The following NRXN2 variants were observed in gnomAD, a reference collection of about 807,000 sequenced individuals.
NRXN2 encodes neurexin-2-beta.
In NRXN2, 29 loss-of-function variants were observed where a neutral mutation model predicts 128.8. The observed-to-expected ratio is 0.23, with a 90% confidence interval of 0.17 to 0.31. The LOEUF is 0.31. Ranked by LOEUF, NRXN2 falls within the 10% of genes least tolerant of loss-of-function variation. NRXN2 has a pLI of 1.00. For missense variants in NRXN2, 1,881 were observed against 2,452.6 expected (o/e 0.77, Z 4.92); for synonymous variants, 1,098 against 1,075.2 (o/e 1.02, Z -0.41).
chr11:64,607,631 T>A lies in NRXN2; in HGVS notation c.4704A>T (p.Arg1568=). 6.5e-7 allele frequency: 1 copy of A among 1,531,188 alleles called. No homozygotes were observed. Among genetic ancestry groups the A allele is most frequent in the Non-Finnish European group, 8.8e-7 (1 of 1,140,482 alleles). The allele number at this position is 1,531,188 out of a possible 1,614,324, so 94.9% of individuals were successfully genotyped here. A position where few individuals can be genotyped will look rare whatever the true frequency, so the allele number is the denominator to read the frequency against. ...TCTCCAGCAAGGGCTGAAGCGGGTC[T>A]CGGTGGTTCATTTTGCCCGCCGGCA... ...PNLPAGKMNH[R]DPLQPLLENP... The change falls in exon 23 of 23, where the codon CGA becomes CGT. Residue 1568 remains arginine, a synonymous_variant. Transcript: ENST00000265459.
rs1303734997 is a variant in NRXN2 at position 64,723,024 on chromosome 11, C to T, written c.-298G>A. ...GGTGGGTAGCAGAGCTACAGGGCCG[C>T]CCCGTCTCCGACGGGTGGCAGAGCC... On this transcript the variant is annotated 5_prime_UTR_variant, in exon 1 of 23. Transcript: ENST00000265459. 6.6e-6 allele frequency: 1 copy of T among 150,498 alleles called. No individual in the cohort carries two copies. Among genetic ancestry groups the T allele is most frequent in the Non-Finnish European group, 1.5e-5 (1 of 67,326 alleles). The allele number at this position is 150,498 out of a possible 1,614,324, so 9.3% of individuals were successfully genotyped here.
At chr11:64,646,711 A>G (rs930060227) in intron 17 of NRXN2, 4 of 152,268 alleles carry the variant, frequency 2.6e-5, no homozygotes, top group African/African-American at 9.6e-5. Context: ...GAGTGTTACT[A>G]TTAAGCAACG....
At chr11:64,649,065 A>AC (rs1005695196) in intron 15 of NRXN2, among the ~76,000 whole-genome samples, 158 bp from the exon 16 acceptor site, 13 of 150,006 alleles carry the variant, frequency 8.7e-5, no homozygotes, top group Admixed American at 2.0e-4. Context: ...CACAACCCGC[A>AC]CCCCCCCAAC....
chr11:64,685,649 G>A lies in NRXN2; in HGVS notation c.1149C>T (p.Arg383=), dbSNP rs775128330. 3 of 1,614,068 alleles carry A rather than the reference G, an allele frequency of 1.9e-6. No individual in the cohort carries two copies. The highest frequency in any genetic ancestry group is 2.7e-5 in the African/African-American group (2 of 74,920). ...WHDVRVTRNL[R]QHAGIGHAMV... is the part of the protein sequence containing the mutation. ...GCCTTCTTCTCACTCCTCCTACCTG[G>A]CGCAGGTTTCGGGTGACCCGGACGT... Residue 383 remains arginine (R), a synonymous_variant, in exon 6 of 23, where the codon CGC becomes CGT. Transcript: ENST00000265459.
intron 9 of NRXN2, among the ~76,000 whole-genome samples, chr11:64,663,458 G>A (rs571409112): frequency 6.6e-6 from 1 of 151,814 alleles, no homozygotes; most frequent in South Asian, 2.1e-4. Flanking sequence ...TCCATACAAG[G>A]TGTCAGATGA....
rs186764452 is a variant in NRXN2, at chr11:64,659,040, G to C, written c.2389+1292C>G. On this transcript the variant is annotated intron_variant, in intron 11 of 22. Coordinates refer to ENST00000265459, the MANE Select transcript of NRXN2 (RefSeq NM_015080.4). ...CTCCATCTCAAAAAACAAAAAAAAT[G>C]GTCAAAGCTCTGTATTCTCTCCAGT... Among the ~76,000 whole-genome samples the C allele has an allele frequency of 2.6e-5, 4 of 152,270 alleles. No homozygotes were observed. The East Asian group carries it at 7.7e-4, about 29-fold the overall frequency.
chr11:64,646,882 G>A lies in NRXN2; in HGVS notation c.3403+1337C>T, dbSNP rs372971746. Among the ~76,000 whole-genome samples the A allele has an allele frequency of 1.1e-4, 16 of 152,334 alleles. No homozygotes were observed. The South Asian group carries it at 3.3e-3, about 32-fold the overall frequency. On this transcript the variant is annotated intron_variant, in intron 17 of 22. Coordinates refer to ENST00000265459, the MANE Select transcript of NRXN2 (RefSeq NM_015080.4). ...GCACAGACAGCAGCAGGTCAAGTAA[G>A]GAAAATCTTGGGAGACAGAGTGGAG...
intron 5 of NRXN2, among the ~76,000 whole-genome samples, chr11:64,686,592 A>G (rs1449524227): frequency 2.0e-5 from 3 of 152,222 alleles, no homozygotes. Context: ...TGCACCGGAT[A>G]GCAACAGGCC....
chr11:64,704,047 G>A (rs2055859027), intron 2 of NRXN2, among the ~76,000 whole-genome samples: 1 of 152,168 alleles, frequency 6.6e-6, no homozygotes, highest in African/African-American at 2.4e-5. Flanking sequence ...GAGAGCAACT[G>A]CTGTCTATAC....
intron 22 of NRXN2, among the ~76,000 whole-genome samples, chr11:64,609,062 T>C (rs1198818191): frequency 6.7e-6 from 1 of 150,050 alleles, no homozygotes; most frequent in South Asian, 2.1e-4. Flanking sequence ...CAGGGAGGAG[T>C]TGGATACCAC....
intron 17 of NRXN2, among the ~76,000 whole-genome samples, chr11:64,643,726 G>C (rs1156726614): frequency 6.6e-6 from 1 of 151,744 alleles, no homozygotes. Flanking sequence ...TAGCCCGCTC[G>C]GCGCTCTCCT....
intron 2 of NRXN2, chr11:64,712,728 C>A: frequency 1.5e-6 from 1 of 660,160 alleles, no homozygotes; most frequent in South Asian, 1.5e-5. Context: ...GCCCACAGGT[C>A]GCCGCAGGAC....
intron 2 of NRXN2, among the ~76,000 whole-genome samples, chr11:64,707,502 A>G (rs1393817742): frequency 6.6e-6 from 1 of 152,196 alleles, no homozygotes; most frequent in East Asian, 1.9e-4. Flanking sequence ...TCTGTGGTTT[A>G]ATCACTAAGC....
At position 64,648,755 on chromosome 11, in the gene NRXN2, G is replaced by A; in HGVS notation, c.3262C>T (p.Gln1088Ter). The A allele has an allele frequency of 6.2e-7, 1 of 1,613,994 alleles. No individual in the cohort carries two copies. The highest frequency in any genetic ancestry group is 8.5e-7 in the Non-Finnish European group (1 of 1,179,990). ...TCACCATCACAGCCCCTCTCCACCT[G>A]CCCAATGCGGTGCAGGGCGTCGGCG... ...LIADALHRIG[Q>*]VERGCDGPST... The change falls in exon 16 of 23, where the codon CAG becomes TAG. Residue 1088 changes from glutamine (Q) to a stop codon, truncating the protein, a stop_gained. Coordinates refer to ENST00000265459, the MANE Select transcript of NRXN2 (RefSeq NM_015080.4). LOFTEE classifies it high-confidence loss of function. The surrounding 1 kb of genome is among the most constrained non-coding windows in gnomAD (Gnocchi z 4.1).
At chr11:64,665,153 C>T (rs577748193) in intron 9 of NRXN2, among the ~76,000 whole-genome samples, 22 of 151,310 alleles carry the variant, frequency 1.5e-4, no homozygotes, top group African/African-American at 3.7e-4. Context: ...TGGTGGCACT[C>T]GCCTGTAGTC....
chr11:64,707,922 C>A (rs1347341098), intron 2 of NRXN2, among the ~76,000 whole-genome samples: 2 of 152,054 alleles, frequency 1.3e-5, no homozygotes, highest in Non-Finnish European at 2.9e-5. Context: ...GGAGAAACCC[C>A]ATCTCTACTA....
At chr11:64,679,394 T>C (rs1349525947) in intron 6 of NRXN2, among the ~76,000 whole-genome samples, 2 of 152,106 alleles carry the variant, frequency 1.3e-5, no homozygotes, top group Non-Finnish European at 2.9e-5. Flanking sequence ...TCCCAGCACT[T>C]TGGGAGGCCG....
chr11:64,630,333 G>A lies in NRXN2; in HGVS notation c.3757+69C>T. ...AGCCGCTTAGCCCCGCCCCGGTGCG[G>A]CCGCACTCCTATCAGAGGCCGCCAC... On this transcript the variant is annotated intron_variant, in intron 19 of 22. Coordinates refer to ENST00000265459, the MANE Select transcript of NRXN2 (RefSeq NM_015080.4). The surrounding 1 kb of genome is among the most constrained non-coding windows in gnomAD (Gnocchi z 4.6). 25 of 1,476,294 alleles carry A rather than the reference G, an allele frequency of 1.7e-5. No individual in the cohort carries two copies. In the South Asian group the frequency reaches 2.8e-4, roughly 17 times the overall value. 91.4% of individuals were successfully genotyped at this position (1,476,294 alleles called of 1,614,324 possible). A position where few individuals can be genotyped will look rare whatever the true frequency, so the allele number is the denominator to read the frequency against.
intron 7 of NRXN2, among the ~76,000 whole-genome samples, chr11:64,671,717 G>A (rs567128499): frequency 2.0e-5 from 3 of 152,222 alleles, no homozygotes; most frequent in African/African-American, 7.2e-5. Flanking sequence ...CAGAGCTGTG[G>A]GGTGCAGGTA....
Sources: gnomAD v4.1 joint callset for allele counts (sites outside exome capture counted in the v4.1 genomes callset) on GRCh38, gnomAD v4.1.1 for gene constraint, Gnocchi (gnomAD v3.1) non-coding constraint, MANE v1.5 for transcripts, NCBI Gene and HGNC (gene_info 2026-07-23, HGNC 2026-07-21) for gene names.